RAB7A: variants seen among roughly 807,000 people sequenced by gnomAD.
RAB7A encodes ras-related protein Rab-7a.
A neutral mutation model predicts 24.5 loss-of-function variants in RAB7A; 2 were observed. The observed-to-expected ratio is 0.08, with a 90% CI of 0.03 to 0.26. The LOEUF (loss-of-function observed/expected upper bound fraction) is 0.26, where lower values mean the gene tolerates loss of function less well. RAB7A is among the 10% of genes least tolerant of loss of function. RAB7A has a pLI of 1.00. For missense variants in RAB7A, 118 were observed against 255.7 expected (o/e 0.46, Z 3.67); for synonymous variants, 100 against 95.9 (o/e 1.04, Z -0.25).
At chr3:128,801,216 A>T (rs191262046) in intron 3 of RAB7A, among the ~76,000 whole-genome samples, 13 of 152,212 alleles carry the variant, frequency 8.5e-5, no homozygotes, top group African/African-American at 2.2e-4. Flanking sequence ...ACACTTAAAA[A>T]TTTGCATGCT....
chr3:128,774,804 C>T (rs1441630345), intron 1 of RAB7A, among the ~76,000 whole-genome samples: 1 of 152,156 alleles, frequency 6.6e-6, no homozygotes, highest in Non-Finnish European at 1.5e-5. Flanking sequence ...GATCTCCTGC[C>T]CTCGTGATCC....
chr3:128,770,947 T>A (rs953815708), intron 1 of RAB7A, among the ~76,000 whole-genome samples: 12 of 152,028 alleles, frequency 7.9e-5, no homozygotes, highest in African/African-American at 2.9e-4. Context: ...CCCCTAATAT[T>A]TAAATGTTAA....
chr3:128,792,362 C>T (rs946963593), intron 1 of RAB7A, among the ~76,000 whole-genome samples: 2 of 152,082 alleles, frequency 1.3e-5, no homozygotes, highest in East Asian at 1.9e-4. Context: ...CATAAATATT[C>T]TCCAAATATC....
chr3:128,736,679 TTTAAATTTAA>T (rs2070492636), intron 1 of RAB7A, among the ~76,000 whole-genome samples: 2 of 152,166 alleles, frequency 1.3e-5, no homozygotes, highest in African/African-American at 4.8e-5. Flanking sequence ...TTTAACAGTA[TTTAAATTTAA>T]AAAAATTTAA....
At chr3:128,788,597 C>G (rs1048226610) in intron 1 of RAB7A, among the ~76,000 whole-genome samples, 1 of 152,182 alleles carries the variant, frequency 6.6e-6, no homozygotes, top group African/African-American at 2.4e-5. Context: ...GTGGGTACTA[C>G]TATACTTTGC....
At chr3:128,787,683 C>T (rs1439562222) in intron 1 of RAB7A, among the ~76,000 whole-genome samples, 1 of 152,188 alleles carries the variant, frequency 6.6e-6, no homozygotes, top group Admixed American at 6.5e-5. Context: ...AAACGGGAAA[C>T]TATAGAAATA....
chr3:128,794,848 A>G (rs535124124), intron 1 of RAB7A, among the ~76,000 whole-genome samples: 5 of 152,158 alleles, frequency 3.3e-5, no homozygotes, highest in African/African-American at 9.6e-5. Flanking sequence ...AACTGTCTTC[A>G]TGGAGATTGT....
At chr3:128,758,821 G>A (rs574757987) in intron 1 of RAB7A, among the ~76,000 whole-genome samples, 6 of 152,064 alleles carry the variant, frequency 3.9e-5, no homozygotes, top group Admixed American at 6.6e-5. Flanking sequence ...ATTGCTCTCG[G>A]CCATCCCACG....
At chr3:128,735,087 C>G (rs1645314081) in intron 1 of RAB7A, among the ~76,000 whole-genome samples, 1 of 152,152 alleles carries the variant, frequency 6.6e-6, no homozygotes, top group Non-Finnish European at 1.5e-5. Flanking sequence ...TTTTTCTTCT[C>G]TACTATAAGA....
chr3:128,743,205 G>A (rs908864255), intron 1 of RAB7A, among the ~76,000 whole-genome samples: 2 of 152,144 alleles, frequency 1.3e-5, no homozygotes, highest in African/African-American at 2.4e-5. Flanking sequence ...GGCGCCAGCC[G>A]GCCACTCCGA....
At position 128,726,903 on chromosome 3, in the gene RAB7A, C is replaced by A. The variant is rs868041581; in HGVS notation, c.-9+544C>A. ...CAGGTCACGTGCGCTGGGCTCGCCT[C>A]GACACTTGTGTACATTGAGGCGCCT... is the stretch of plus-strand genomic sequence containing the variant. On this transcript the variant is annotated intron_variant, in intron 1 of 5. Transcript: ENST00000265062. 2.6e-5 allele frequency among the ~76,000 whole-genome samples: 4 copies of A among 152,308 alleles called. No homozygotes were observed. In the South Asian group the frequency reaches 8.3e-4, roughly 32 times the overall value.
At chr3:128,805,243 C>T (rs1206743791) in intron 3 of RAB7A, among the ~76,000 whole-genome samples, 1 of 152,160 alleles carries the variant, frequency 6.6e-6, no homozygotes, top group African/African-American at 2.4e-5. Context: ...ACCAGCAGTC[C>T]CGATCCTGTT....
intron 1 of RAB7A, among the ~76,000 whole-genome samples, chr3:128,783,043 C>G (rs1173076534): frequency 6.6e-6 from 1 of 152,138 alleles, no homozygotes; most frequent in African/African-American, 2.4e-5. Flanking sequence ...AAATGTATAT[C>G]TAAACAAAGA....
At chr3:128,808,432 C>T (rs554105462) in intron 5 of RAB7A, among the ~76,000 whole-genome samples, 17 of 152,118 alleles carry the variant, frequency 1.1e-4, no homozygotes, top group African/African-American at 4.1e-4. Context: ...ATGGGAATAC[C>T]TGCTTTTGCA....
chr3:128,784,794 A>G (rs958529017), intron 1 of RAB7A, among the ~76,000 whole-genome samples: 5 of 152,144 alleles, frequency 3.3e-5, no homozygotes, highest in African/African-American at 1.2e-4. Flanking sequence ...ACACGTCTTG[A>G]TCACAGTAGT....
chr3:128,751,791 C>T (rs958367407), intron 1 of RAB7A, among the ~76,000 whole-genome samples: 1 of 152,160 alleles, frequency 6.6e-6, no homozygotes, highest in African/African-American at 2.4e-5. Flanking sequence ...GACTATGTCC[C>T]CATCCATATC....
chr3:128,767,444 C>CTGGA (rs1411470368), intron 1 of RAB7A, among the ~76,000 whole-genome samples: 1 of 152,072 alleles, frequency 6.6e-6, no homozygotes, highest in African/African-American at 2.4e-5. Context: ...GCAAAGCAGG[C>CTGGA]TGGAGTAGAG....
intron 1 of RAB7A, among the ~76,000 whole-genome samples, chr3:128,762,857 G>A (rs2070786166): frequency 6.6e-6 from 1 of 152,158 alleles, no homozygotes. Context: ...AAGAGACTCA[G>A]TGTAAAAGAT....
intron 1 of RAB7A, among the ~76,000 whole-genome samples, chr3:128,782,993 G>C (rs1203132414): frequency 6.6e-6 from 1 of 152,076 alleles, no homozygotes; most frequent in Non-Finnish European, 1.5e-5. Context: ...GCCCTCAGGG[G>C]AACCTAAAAG....
Sources: gnomAD v4.1 joint callset for allele counts (sites outside exome capture counted in the v4.1 genomes callset) on GRCh38, gnomAD v4.1.1 for gene constraint, MANE v1.5 for transcripts, NCBI Gene and HGNC (gene_info 2026-07-23, HGNC 2026-07-21) for gene names.